DOCK6: variants seen among roughly 807,000 people sequenced by gnomAD.
DOCK6 encodes dedicator of cytokinesis 6.
Under a neutral mutation model 230.3 loss-of-function variants are expected in DOCK6, and 167 were observed. The ratio of observed to expected loss-of-function variants is 0.73; its 90% CI spans 0.64 to 0.82. DOCK6 has a LOEUF of 0.82. Among genes scored for constraint, DOCK6 ranks in the 40% least tolerant of loss-of-function variants. The probability of loss-of-function intolerance (pLI) is 0.00; values close to 1 mark genes in which losing one functional copy is unlikely to be tolerated. For missense variants in DOCK6, 2,598 were observed against 2,825.8 expected (o/e 0.92, Z 1.83); for synonymous variants, 1,148 against 1,185.0 (o/e 0.97, Z 0.64).
rs2079423862 is a variant in DOCK6 at position 11,213,264 on chromosome 19, C to G, written c.4403G>C (p.Arg1468Pro). The G allele has an allele frequency of 6.2e-7, 1 of 1,612,924 alleles. No homozygotes were observed. The highest frequency in any genetic ancestry group is 1.3e-5 in the African/African-American group (1 of 74,916). Residue 1468 changes from arginine to proline, a missense_variant, in exon 35 of 48, where the codon CGA (arginine) becomes CCA (proline). Coordinates refer to ENST00000294618, the MANE Select transcript of DOCK6 (RefSeq NM_020812.4). ...LCADLCLRLLRHCGSRISTIR... is the reference protein window; with the variant it reads ...LCADLCLRLLPHCGSRISTIR... ...GGTGCTGATGCGGCTGCCACAGTGT[C>G]GTAGGAGCCTCAGGCACAGGTCGGC...
At chr19:11,253,418 C>T (rs929557918) in intron 2 of DOCK6, among the ~76,000 whole-genome samples, 1 of 152,128 alleles carries the variant, frequency 6.6e-6, no homozygotes, top group Admixed American at 6.5e-5. Flanking sequence ...CCTGACCACC[C>T]ACAGGGTGAC....
rs35583018 is a variant in DOCK6, at chr19:11,214,559, G to C, written c.4197C>G (p.Ile1399Met). ...SLVVLDTLEI[I>M]VQTVMLSEAR... Reference sequence around the variant, plus strand: ...ATGCTGGATCAAGCCCTACCTGCACGATGATCTCCAGTGTGTCCAGAACCA... The same window carrying C: ...ATGCTGGATCAAGCCCTACCTGCACCATGATCTCCAGTGTGTCCAGAACCA... Residue 1399 changes from isoleucine to methionine, a missense_variant, in exon 33 of 48, where the codon ATC becomes ATG. Physicochemically the swap from Ile to Met is conservative, Grantham distance 10. Coordinates refer to ENST00000294618, the MANE Select transcript of DOCK6 (RefSeq NM_020812.4). The C allele has an allele frequency of 2.5e-6, 4 of 1,613,760 alleles. No individual in the cohort carries two copies. Among genetic ancestry groups the C allele is most frequent in the Non-Finnish European group, 3.4e-6 (4 of 1,179,868 alleles).
intron 35 of DOCK6, 93 bp downstream of exon 35, chr19:11,213,083 G>A (rs1490874708): frequency 4.0e-5 from 59 of 1,485,734 alleles, no homozygotes; most frequent in Non-Finnish European, 5.0e-5. Context: ...CTCAATGACT[G>A]TCTCCCCCTC....
At chr19:11,208,854 A>G in intron 38 of DOCK6, 25 bp from the exon 39 acceptor site, 1 of 1,605,744 alleles carries the variant, frequency 6.2e-7, no homozygotes, top group East Asian at 2.2e-5. Flanking sequence ...GTGGCGTCAG[A>G]CCCTGGTCCC....
Position 11,243,800 on chromosome 19 carries a change from AC to A in DOCK6, c.1104+1del. ...CCCCTAGTCCAGCCTCCACACGCTT[AC>A]CTTGGCTGTGTCCACTTCTTTCAAC... On this transcript the variant is annotated splice_donor_variant, in intron 10 of 47. Coordinates refer to ENST00000294618, the MANE Select transcript of DOCK6 (RefSeq NM_020812.4). LOFTEE classifies it high-confidence loss of function. This position sits in a 1 kb window ranked among gnomAD's most constrained non-coding sequence, Gnocchi z 6.3. The A allele has an allele frequency of 6.2e-7, 1 of 1,613,218 alleles. No individual in the cohort carries two copies. Among genetic ancestry groups the A allele is most frequent in the Non-Finnish European group, 8.5e-7 (1 of 1,179,614 alleles).
At chr19:11,219,734 G>A (rs1212103172) in intron 28 of DOCK6, among the ~76,000 whole-genome samples, 3 of 150,446 alleles carry the variant, frequency 2.0e-5, no homozygotes, top group Non-Finnish European at 4.4e-5. Flanking sequence ...AGCTTGCAGT[G>A]AGCCGAGATA....
chr19:11,252,518 T>G lies in DOCK6; in HGVS notation c.341A>C (p.Glu114Ala). The change falls in exon 4 of 48, where the codon GAG (glutamate) becomes GCG (alanine). Residue 114 changes from glutamate to alanine, a missense_variant. Coordinates refer to ENST00000294618, the MANE Select transcript of DOCK6 (RefSeq NM_020812.4). ...KLDAQVRAAV[E>A]MYIEDWVIVH... is the part of the protein sequence containing the mutation. Reference sequence around the variant, plus strand: ...AATGACCCAGTCCTCAATATACATCTCCACCGCGGCCCTCACCTGGGCATC... The same window carrying G: ...AATGACCCAGTCCTCAATATACATCGCCACCGCGGCCCTCACCTGGGCATC... 6.2e-7 allele frequency: 1 copy of G among 1,613,762 alleles called. No individual in the cohort carries two copies. The highest frequency in any genetic ancestry group is 1.1e-5 in the South Asian group (1 of 91,080).
Position 11,200,163 on chromosome 19 carries a change from A to AC in DOCK6, c.6101+144_6101+145insG. ...GAGAGTCTCTCAAAAAAAAAAACAA[A>AC]AAAAAAACCGGAAACAAAACAAAGT... On this transcript the variant is annotated intron_variant, in intron 47 of 47. Coordinates refer to ENST00000294618, the MANE Select transcript of DOCK6 (RefSeq NM_020812.4). The surrounding 1 kb of genome is among the most constrained non-coding windows in gnomAD (Gnocchi z 4.3). 7.6e-6 allele frequency: 7 copies of AC among 922,772 alleles called. No homozygotes were observed. Among genetic ancestry groups the AC allele is most frequent in the Non-Finnish European group, 1.1e-5 (7 of 643,544 alleles). 57.2% of individuals were successfully genotyped at this position (922,772 alleles called of 1,614,324 possible).
rs7258016 is a variant in DOCK6, at chr19:11,256,677, A to G, written c.45-2951T>C. 9.2e-5 allele frequency among the ~76,000 whole-genome samples: 14 copies of G among 152,032 alleles called. No individual in the cohort carries two copies. In the East Asian group the frequency reaches 2.5e-3, roughly 27 times the overall value. On this transcript the variant is annotated intron_variant, in intron 1 of 47. Transcript: ENST00000294618. ...GTTTTTTGTTTTCGTTTTTTAAAAA[A>G]ATTTTATTTATTTTTTTGAGACAGA...
At chr19:11,259,136 C>G (rs1251578898) in intron 1 of DOCK6, among the ~76,000 whole-genome samples, 1 of 152,102 alleles carries the variant, frequency 6.6e-6, no homozygotes, top group Non-Finnish European at 1.5e-5. Flanking sequence ...ACTGCAGCCT[C>G]AACCTCCTGG....
chr19:11,262,220 C>G (rs1344454729), intron 1 of DOCK6, among the ~76,000 whole-genome samples, 177 bp downstream of exon 1: 1 of 152,076 alleles, frequency 6.6e-6, no homozygotes, highest in East Asian at 2.0e-4. Context: ...CCGCCGGGAC[C>G]CCCGCGGCCC....
intron 5 of DOCK6, chr19:11,251,441 G>A (rs1298652048): frequency 9.7e-6 from 2 of 206,662 alleles, no homozygotes; most frequent in Non-Finnish European, 1.0e-5. Flanking sequence ...ACTGTCGCCA[G>A]GGAAGGAGAG....
At chr19:11,244,147 CTTATT>C (rs1179267254) in intron 9 of DOCK6, among the ~76,000 whole-genome samples, 1 of 151,310 alleles carries the variant, frequency 6.6e-6, no homozygotes, top group African/African-American at 2.5e-5. Flanking sequence ...CCTAAATTTA[CTTATT>C]TATTTACATT....
intron 28 of DOCK6, among the ~76,000 whole-genome samples, chr19:11,220,766 A>T (rs2079566234): frequency 6.6e-6 from 1 of 152,092 alleles, no homozygotes; most frequent in Non-Finnish European, 1.5e-5. Context: ...GGGAATTGGG[A>T]TCTACAAAAA....
chr19:11,208,880 G>A (rs777205089), intron 38 of DOCK6, 31 bp downstream of exon 38: 47 of 1,596,960 alleles, frequency 2.9e-5, no homozygotes, highest in Middle Eastern at 1.7e-4. Flanking sequence ...CACTCGTGCC[G>A]TCCGCCACCT....
At chr19:11,259,017 C>T (rs1295015319) in intron 1 of DOCK6, among the ~76,000 whole-genome samples, 6 of 151,856 alleles carry the variant, frequency 4.0e-5, no homozygotes, top group African/African-American at 9.7e-5. Flanking sequence ...CCAAAGTGCT[C>T]GGATTATAGG....
In DOCK6 at chr19:11,250,932, G is replaced by C; in HGVS notation, c.662C>G (p.Thr221Ser). The C allele has an allele frequency of 6.2e-7, 1 of 1,612,304 alleles. No homozygotes were observed. The highest frequency in any genetic ancestry group is 1.1e-5 in the South Asian group (1 of 91,054). Residue 221 changes from threonine to serine, a missense_variant, in exon 6 of 48, where the codon ACC (threonine) becomes AGC (serine). Thr to Ser is a moderately conservative substitution (Grantham distance 58). Coordinates refer to ENST00000294618, the MANE Select transcript of DOCK6 (RefSeq NM_020812.4). ...APEDVDRRNE[T>S]LRRQHRPPAL... ...CGGGGGCCGGTGCTGCCGTCGAAGG[G>C]TTTCATTGCGCCGGTCCACATCTTC...
At chr19:11,244,451 CTTTT>C (rs56722117) in intron 9 of DOCK6, among the ~76,000 whole-genome samples, 13 of 40,250 alleles carry the variant, frequency 3.2e-4, no homozygotes, top group East Asian at 1.1e-3. Context: ...CCACACCTGG[CTTTT>C]TTTTTTTTTT....
intron 14 of DOCK6, among the ~76,000 whole-genome samples, chr19:11,239,079 G>A (rs1568251198): frequency 1.3e-5 from 2 of 152,158 alleles, no homozygotes; most frequent in Non-Finnish European, 2.9e-5. Context: ...TGAGGTACTT[G>A]CACAATCACC....
Sources: gnomAD v4.1 joint callset for allele counts (sites outside exome capture counted in the v4.1 genomes callset) on GRCh38, gnomAD v4.1.1 for gene constraint, Gnocchi (gnomAD v3.1) non-coding constraint, MANE v1.5 for transcripts, NCBI Gene and HGNC (gene_info 2026-07-23, HGNC 2026-07-21) for gene names.